Variants in PAH observed in about 807,000 individuals in gnomAD.
The protein encoded by PAH is phenylalanine-4-hydroxylase.
In PAH, 64 loss-of-function variants were observed where a neutral mutation model predicts 62.0. The observed-to-expected ratio is 1.03, with a 90% CI of 0.84 to 1.27. The LOEUF (loss-of-function observed/expected upper bound fraction) is 1.27, where lower values mean the gene tolerates loss of function less well. Among genes scored for constraint, PAH ranks in the 50% most tolerant of loss-of-function variants. The pLI is 0.00. For missense variants in PAH, 579 were observed against 542.8 expected (o/e 1.07, Z -0.66); for synonymous variants, 195 against 196.2 (o/e 0.99, Z 0.05).
intron 4 of PAH, among the ~76,000 whole-genome samples, chr12:102,874,368 C>T (rs1048737476): frequency 3.9e-5 from 6 of 152,220 alleles, no homozygotes. Context: ...CACCCCTTCT[C>T]TCTCTACTGT....
At chr12:102,954,204 A>G (rs1879847794), upstream of PAH, among the ~76,000 whole-genome samples, 1 of 152,174 alleles carries the variant, frequency 6.6e-6, no homozygotes, top group South Asian at 2.1e-4. Flanking sequence ...GCTACTTTTC[A>G]TGTCTAAAAA....
intron 9 of PAH, among the ~76,000 whole-genome samples, chr12:102,844,727 C>T (rs977648655): frequency 1.3e-5 from 2 of 152,138 alleles, no homozygotes; most frequent in Admixed American, 6.5e-5. Context: ...CCTGTTTCTC[C>T]TACCCTTAGA....
intron 9 of PAH, among the ~76,000 whole-genome samples, chr12:102,844,872 G>A (rs1193112191): frequency 2.6e-5 from 4 of 152,126 alleles, no homozygotes; most frequent in African/African-American, 9.7e-5. Context: ...TTTGAACTTT[G>A]ACTAATCTAC....
At chr12:102,912,424 A>C (rs1878236013) in intron 2 of PAH, among the ~76,000 whole-genome samples, 1 of 152,160 alleles carries the variant, frequency 6.6e-6, no homozygotes. Context: ...CTTTAACTGT[A>C]ATCACATGTG....
In PAH at chr12:102,876,906, T is replaced by G. The variant is rs866805349; in HGVS notation, c.441+556A>C. On this transcript the variant is annotated intron_variant, in intron 4 of 12. Coordinates refer to ENST00000553106, the MANE Select transcript of PAH (RefSeq NM_000277.3). ...ATCCCAACCCACTGCCCCAGCCACA[T>G]CTCTCATTCTCATACTTAATGCACC... is the stretch of plus-strand genomic sequence containing the variant. 4.6e-5 allele frequency among the ~76,000 whole-genome samples: 7 copies of G among 151,994 alleles called. 1 individual carries two copies. The Middle Eastern group carries it at 0.02, about 443-fold the overall frequency.
At chr12:102,910,083 A>G (rs1212953135) in intron 2 of PAH, among the ~76,000 whole-genome samples, 2 of 152,216 alleles carry the variant, frequency 1.3e-5, no homozygotes. Context: ...TGAACACAAC[A>G]TATATAAAAC....
In PAH at chr12:102,846,926, G is replaced by A. The variant is rs62642914; in HGVS notation, c.938C>T (p.Ala313Val). 20 of 1,613,688 alleles carry A rather than the reference G, an allele frequency of 1.2e-5. No individual in the cohort carries two copies. The highest frequency in any genetic ancestry group is 1.7e-5 in the Non-Finnish European group (20 of 1,179,666). ...GAGCTTTTCAATGTATTCATCAGGT[G>A]CACCCAGAGAGGCAAGGCCAATTTC... ...SQEIGLASLG[A>V]PDEYIEKLAT... The change falls in exon 9 of 13, where the codon GCA becomes GTA. Residue 313 changes from alanine (A) to valine (V), a missense_variant. Coordinates refer to ENST00000553106, the MANE Select transcript of PAH (RefSeq NM_000277.3).
rs552044421 is a variant in PAH at position 102,898,626 on chromosome 12, G to A, written c.169-3708C>T. Among the ~76,000 whole-genome samples, 3 of 152,318 alleles carry A rather than the reference G, an allele frequency of 2.0e-5. No individual in the cohort carries two copies. In the East Asian group the frequency reaches 5.8e-4, roughly 29 times the overall value. The stretch of plus-strand genomic sequence containing the variant: ...TACTTAAGTAACACTTTATAGTATA[G>A]AATTCTTTTCTGTGACCATCCCAAC... On this transcript the variant is annotated intron_variant, in intron 2 of 12. Transcript: ENST00000553106.
chr12:102,925,021 C>CT (rs1430159012), intron 1 of PAH, among the ~76,000 whole-genome samples: 1 of 152,118 alleles, frequency 6.6e-6, no homozygotes, highest in Non-Finnish European at 1.5e-5. Flanking sequence ...CAGCTAGGTT[C>CT]TCCATTTTCT....
intron 2 of PAH, among the ~76,000 whole-genome samples, chr12:102,899,815 C>G (rs1029999613): frequency 2.5e-5 from 3 of 122,168 alleles, no homozygotes; most frequent in African/African-American, 9.7e-5. Flanking sequence ...GCCGAGATCC[C>G]GCCACTGCAC....
At chr12:102,872,636 A>G (rs1166368287) in intron 4 of PAH, among the ~76,000 whole-genome samples, 2 of 152,226 alleles carry the variant, frequency 1.3e-5, no homozygotes, top group African/African-American at 4.8e-5. Context: ...TTCCTACAGG[A>G]GAGCAGGAAA....
chr12:102,924,269 G>T (rs1240446100), intron 1 of PAH, among the ~76,000 whole-genome samples: 1 of 152,134 alleles, frequency 6.6e-6, no homozygotes, highest in Non-Finnish European at 1.5e-5. Context: ...CTCTTAGCAT[G>T]CATGTCCTGT....
chr12:102,929,708 A>G (rs1255923339), intron 1 of PAH, among the ~76,000 whole-genome samples: 5 of 152,198 alleles, frequency 3.3e-5, no homozygotes, highest in East Asian at 3.8e-4. Context: ...AGAAATGGCC[A>G]TGATGCCTTG....
chr12:102,921,327 T>A (rs1464039430), upstream of PAH, among the ~76,000 whole-genome samples: 1 of 152,190 alleles, frequency 6.6e-6, no homozygotes, highest in African/African-American at 2.4e-5. Flanking sequence ...CTATGAATAG[T>A]TTATCATCAT....
chr12:102,855,425 T>C, intron 5 of PAH, 93 bp from the exon 6 acceptor site: 1 of 911,112 alleles, frequency 1.1e-6, no homozygotes, highest in Non-Finnish European at 1.8e-6. Context: ...GACCAGAACC[T>C]GTGAGCTGCC....
chr12:102,885,317 A>T (rs2136689690), intron 3 of PAH, among the ~76,000 whole-genome samples: 1 of 152,316 alleles, frequency 6.6e-6, no homozygotes, highest in African/African-American at 2.4e-5. Context: ...CTGGAAATAG[A>T]GACTGACCCC....
At chr12:102,895,869 A>ATAAATATATATATATATATATATAT (rs1555208129) in intron 2 of PAH, among the ~76,000 whole-genome samples, 1 of 118,744 alleles carries the variant, frequency 8.4e-6, no homozygotes, top group African/African-American at 3.6e-5. Flanking sequence ...AAAAAAAAAA[A>ATAAATATATATATATATATATATAT]ATATATATAT....
chr12:102,911,395 T>C (rs1878197226), intron 2 of PAH, among the ~76,000 whole-genome samples: 1 of 151,852 alleles, frequency 6.6e-6, no homozygotes, highest in African/African-American at 2.4e-5. Flanking sequence ...CAGTTAAGAG[T>C]GTATGTAGGT....
intron 6 of PAH, among the ~76,000 whole-genome samples, chr12:102,854,079 T>C (rs1463243480): frequency 1.3e-5 from 2 of 152,198 alleles, no homozygotes; most frequent in Non-Finnish European, 2.9e-5. Flanking sequence ...TGAGATCCCC[T>C]TGCCTCTTGC....
Sources: allele counts gnomAD v4.1 joint callset (sites outside exome capture counted in the v4.1 genomes callset), GRCh38; gene constraint gnomAD v4.1.1; transcripts MANE v1.5; gene names NCBI Gene and HGNC (gene_info 2026-07-23, HGNC 2026-07-21).